ALK: variants seen among roughly 807,000 people sequenced by gnomAD.
ALK encodes the protein ALK receptor tyrosine kinase.
In ALK, 74 loss-of-function variants were observed where a neutral mutation model predicts 163.1. The observed-to-expected ratio is 0.45, with a 90% CI of 0.38 to 0.55. The LOEUF (loss-of-function observed/expected upper bound fraction) is 0.55, where lower values mean the gene tolerates loss of function less well. Among genes scored for constraint, ALK ranks in the 20% least tolerant of loss-of-function variants. The probability of loss-of-function intolerance (pLI) is 0.00; values close to 1 mark genes in which losing one functional copy is unlikely to be tolerated. For missense variants in ALK, 2,063 were observed against 2,105.3 expected, an observed-to-expected ratio of 0.98 and a Z score of 0.39; for synonymous variants, 960 against 843.2, an observed-to-expected ratio of 1.14 and a Z score of -2.40.
chr2:29,846,363 T>C (rs1379997231), intron 1 of ALK, among the ~76,000 whole-genome samples: 1 of 152,242 alleles, frequency 6.6e-6, no homozygotes, highest in Non-Finnish European at 1.5e-5. Flanking sequence ...CGTTTTATTT[T>C]CTTCACAATA....
intron 1 of ALK, among the ~76,000 whole-genome samples, chr2:29,848,549 C>T (rs1665908404): frequency 6.6e-6 from 1 of 152,124 alleles, no homozygotes; most frequent in African/African-American, 2.4e-5. Context: ...TAATACCTAG[C>T]CTGTAAAACC....
chr2:29,241,425 C>T (rs576388525), intron 12 of ALK, among the ~76,000 whole-genome samples: 9 of 151,932 alleles, frequency 5.9e-5, no homozygotes, highest in Admixed American at 3.3e-4. Flanking sequence ...GTGAAAGCCC[C>T]GGGGAAGCTG....
chr2:29,232,362 T>C lies in ALK; in HGVS notation c.2574A>G (p.Pro858=), dbSNP rs938866877. 1.2e-6 allele frequency: 2 copies of C among 1,614,270 alleles called. No individual in the cohort carries two copies. Among genetic ancestry groups the C allele is most frequent in the Non-Finnish European group, 1.7e-6 (2 of 1,180,052 alleles). The change falls in exon 15 of 29, where the codon CCA becomes CCG. Residue 858 remains proline, a synonymous_variant. Coordinates refer to ENST00000389048, the MANE Select transcript of ALK (RefSeq NM_004304.5). ...CCGAGGAGTTATTCTCCAGTCTCTC[T>C]GGGTGGAACGTGTCTGTCTTGGCCC... The part of the protein sequence containing the change: ...AYGAKTDTFH[P]ERLENNSSVL...
chr2:29,354,737 T>C (rs1303673308), intron 5 of ALK, among the ~76,000 whole-genome samples: 1 of 152,028 alleles, frequency 6.6e-6, no homozygotes, highest in Non-Finnish European at 1.5e-5. Context: ...AGGCCATGAC[T>C]ACTCTTACCA....
chr2:29,505,355 C>G (rs1007912987), intron 4 of ALK, among the ~76,000 whole-genome samples: 1 of 152,176 alleles, frequency 6.6e-6, no homozygotes, highest in Non-Finnish European at 1.5e-5. Flanking sequence ...TGTGCTATCT[C>G]AAGATGATTG....
intron 4 of ALK, among the ~76,000 whole-genome samples, chr2:29,403,370 C>T (rs1177660567): frequency 1.3e-5 from 2 of 152,090 alleles, no homozygotes; most frequent in Non-Finnish European, 2.9e-5. Context: ...AAGCATTGTC[C>T]AGTGGGTTGC....
At chr2:29,782,045 T>C (rs1269733104) in intron 1 of ALK, among the ~76,000 whole-genome samples, 1 of 152,202 alleles carries the variant, frequency 6.6e-6, no homozygotes, top group Non-Finnish European at 1.5e-5. Flanking sequence ...TTTTATTCCA[T>C]AGATTTCCCC....
intron 3 of ALK, among the ~76,000 whole-genome samples, chr2:29,546,028 G>A (rs11685102): frequency 0.12 from 18,734 of 152,154 alleles, 1,519 homozygotes; most frequent in Non-Finnish European, 0.19. Context: ...TAAAATACGC[G>A]TATGTGTGTG....
intron 5 of ALK, among the ~76,000 whole-genome samples, chr2:29,369,551 C>A (rs1174287912): frequency 6.6e-6 from 1 of 152,146 alleles, no homozygotes; most frequent in Non-Finnish European, 1.5e-5. Flanking sequence ...CAGGCCTGTG[C>A]CTGGAGCAAG....
intron 3 of ALK, among the ~76,000 whole-genome samples, chr2:29,565,983 T>C (rs181207003): frequency 4.0e-4 from 61 of 152,302 alleles, no homozygotes; most frequent in Non-Finnish European, 1.5e-5. Context: ...CTCTTACTTC[T>C]TCGAGTGACT....
chr2:29,629,959 C>T (rs10193883), intron 3 of ALK, among the ~76,000 whole-genome samples: 96,737 of 152,026 alleles, frequency 0.64, 31,755 homozygotes, highest in Middle Eastern at 0.73. Context: ...GTAGTCTACC[C>T]GACAAACAGA....
At chr2:29,763,244 T>C (rs546279083) in intron 1 of ALK, among the ~76,000 whole-genome samples, 28 of 152,242 alleles carry the variant, frequency 1.8e-4, no homozygotes, top group Admixed American at 1.8e-3. Flanking sequence ...GTATCTATCA[T>C]GTAGGGTTGC....
At chr2:29,713,823 G>C (rs1679172707) in intron 2 of ALK, among the ~76,000 whole-genome samples, 2 of 151,652 alleles carry the variant, frequency 1.3e-5, no homozygotes, top group South Asian at 2.1e-4. Flanking sequence ...GTGAAAAAGA[G>C]TTTTGCAATG....
intron 1 of ALK, among the ~76,000 whole-genome samples, chr2:29,758,987 A>G (rs1347653712): frequency 6.6e-6 from 1 of 152,048 alleles, no homozygotes; most frequent in African/African-American, 2.4e-5. Flanking sequence ...TTTTTCTGCA[A>G]TCCACAATCC....
rs560410810 is a variant in ALK at position 29,498,737 on chromosome 2, G to A, written c.1154+33178C>T. Among the ~76,000 whole-genome samples, 21 of 152,324 alleles carry A rather than the reference G, an allele frequency of 1.4e-4. No homozygotes were observed. In the South Asian group the frequency reaches 4.1e-3, roughly 30 times the overall value. ...GAAGAAGCTGTTTGTGCTCACAGCC[G>A]CCCTGATTGAGATAAGTATGTAATG... On this transcript the variant is annotated intron_variant, in intron 4 of 28. Transcript: ENST00000389048.
At chr2:29,469,601 C>G (rs903487248) in intron 4 of ALK, among the ~76,000 whole-genome samples, 21 of 152,170 alleles carry the variant, frequency 1.4e-4, no homozygotes, top group Non-Finnish European at 2.5e-4. Context: ...CACCATCCCC[C>G]TCCTTGACAT....
At chr2:29,238,605 C>A (rs1291891038) in intron 13 of ALK, among the ~76,000 whole-genome samples, 2 of 152,174 alleles carry the variant, frequency 1.3e-5, no homozygotes, top group Non-Finnish European at 2.9e-5. Flanking sequence ...TGACAACCGC[C>A]ATTTTTCCCC....
chr2:29,826,528 C>G (rs1182459989), intron 1 of ALK, among the ~76,000 whole-genome samples: 1 of 151,866 alleles, frequency 6.6e-6, no homozygotes, highest in Non-Finnish European at 1.5e-5. Context: ...GTTTAGCATT[C>G]ACATACTCAG....
chr2:29,266,445 G>A (rs1665223759), intron 11 of ALK, among the ~76,000 whole-genome samples: 1 of 152,336 alleles, frequency 6.6e-6, no homozygotes, highest in South Asian at 2.1e-4. Flanking sequence ...GGCAACACAT[G>A]AGGGGTGAGT....
Sources: gnomAD v4.1 joint callset for allele counts (sites outside exome capture counted in the v4.1 genomes callset) on GRCh38, gnomAD v4.1.1 for gene constraint, MANE v1.5 for transcripts, NCBI Gene and HGNC (gene_info 2026-07-23, HGNC 2026-07-21) for gene names.